Variants in RTCA observed in about 807,000 individuals in gnomAD.
RTCA encodes RNA terminal phosphate cyclase domain 1.
Under a neutral mutation model 46.1 loss-of-function variants are expected in RTCA, and 37 were observed. The observed-to-expected ratio is 0.80, with a 90% CI of 0.62 to 1.06. RTCA has a LOEUF of 1.06. Among genes scored for constraint, RTCA ranks in the 50% least tolerant of loss-of-function variants. The probability of loss-of-function intolerance (pLI) is 0.00; values close to 1 mark genes in which losing one functional copy is unlikely to be tolerated. For synonymous variants in RTCA, 164 were observed against 158.3 expected (o/e 1.04, Z -0.27); for missense variants, 435 against 455.5 (o/e 0.95, Z 0.41).
At position 100,275,628 on chromosome 1, in the gene RTCA, T is replaced by C. The variant is rs767144327; in HGVS notation, c.645T>C (p.Val215=). Reference sequence around the variant, plus strand: ...CAAAAGATATGGCAGCGGCAGCAGTTAGATGCATCAGAAAGGAGATCCGGG... The same window carrying C: ...CAAAAGATATGGCAGCGGCAGCAGTCAGATGCATCAGAAAGGAGATCCGGG... ...KVAKDMAAAA[V]RCIRKEIRDL... is the part of the protein sequence containing the mutation. The change falls in exon 7 of 11, where the codon GTT becomes GTC. Residue 215 remains valine (V), a synonymous_variant. Transcript: ENST00000370128. 6.2e-7 allele frequency: 1 copy of C among 1,611,878 alleles called. No homozygotes were observed. Among genetic ancestry groups the C allele is most frequent in the Non-Finnish European group, 8.5e-7 (1 of 1,178,914 alleles).
chr1:100,266,409 A>G lies in RTCA; in HGVS notation c.34A>G (p.Ile12Val), dbSNP rs1232141725. Residue 12 changes from isoleucine (I) to valine (V), a missense_variant, in exon 1 of 11, where the codon ATC becomes GTC. Ile to Val is a conservative substitution (Grantham distance 29). Coordinates refer to ENST00000370128, the MANE Select transcript of RTCA (RefSeq NM_003729.4). ...GCCGCGGGTGGAGGTCGATGGCAGC[A>G]TCATGGAAGGGGTGAGTACAGAGCG... is the stretch of plus-strand genomic sequence containing the variant. ...AGPRVEVDGS[I>V]MEGGGQILRV... 3.7e-6 allele frequency: 6 copies of G among 1,612,426 alleles called. No homozygotes were observed. The highest frequency in any genetic ancestry group is 5.1e-6 in the Non-Finnish European group (6 of 1,179,390).
At position 100,268,160 on chromosome 1, in the gene RTCA, A is replaced by C. The variant is rs143754484; in HGVS notation, c.155A>C (p.His52Pro). ...GRSTPGLRPQ[H>P]LSGLEMIRDL... ...AGTATTATGACCTGAAGGCCTCAAC[A>C]TTTATCTGGACTGGAAATGATTCGA... Residue 52 changes from histidine to proline, a missense_variant, in exon 3 of 11, where the codon CAT becomes CCT. By Grantham distance (77) the His-to-Pro change is moderately conservative. Coordinates refer to ENST00000370128, the MANE Select transcript of RTCA (RefSeq NM_003729.4). 9 of 1,614,032 alleles carry C rather than the reference A, an allele frequency of 5.6e-6. No individual in the cohort carries two copies. In the African/African-American group the frequency reaches 1.2e-4, roughly 22 times the overall value.
At chr1:100,290,340 A>G (rs1417171485) in intron 10 of RTCA, among the ~76,000 whole-genome samples, 2 of 152,120 alleles carry the variant, frequency 1.3e-5, no homozygotes, top group African/African-American at 4.8e-5. Context: ...TCCTGAACTG[A>G]ACTCAAATGA....
rs1666359238 is a variant in RTCA at position 100,276,088 on chromosome 1, G to C, written c.740+365G>C. ...CTGACCTCATGATCCACCTGCCTTG[G>C]CCTCCCAAAGTGCTGGGATTACAGG... On this transcript the variant is annotated intron_variant, in intron 7 of 10. Transcript: ENST00000370128. Among the ~76,000 whole-genome samples, 4 of 152,086 alleles carry C rather than the reference G, an allele frequency of 2.6e-5. No homozygotes were observed. In the Middle Eastern group the frequency reaches 0.014, roughly 517 times the overall value.
At chr1:100,291,121 C>G (rs974173686) in intron 10 of RTCA, among the ~76,000 whole-genome samples, 1 of 152,178 alleles carries the variant, frequency 6.6e-6, no homozygotes, top group Non-Finnish European at 1.5e-5. Context: ...AGCTGTACAT[C>G]TGAGCTTTCT....
intron 8 of RTCA, among the ~76,000 whole-genome samples, chr1:100,283,448 C>T (rs1344425500): frequency 2.0e-5 from 3 of 152,094 alleles, no homozygotes; most frequent in African/African-American, 7.2e-5. Flanking sequence ...AGGCATGAGC[C>T]ACCATGCCTG....
At position 100,291,470 on chromosome 1, in the gene RTCA, G is replaced by A; in HGVS notation, c.1067G>A (p.Cys356Tyr). 6.2e-7 allele frequency: 1 copy of A among 1,611,828 alleles called. No individual in the cohort carries two copies. The change falls in exon 11 of 11, where the codon TGC becomes TAC. Residue 356 changes from cysteine (C) to tyrosine (Y), a missense_variant. Coordinates refer to ENST00000370128, the MANE Select transcript of RTCA (RefSeq NM_003729.4). The part of the protein sequence containing the change: ...DAAKDTYIIE[C>Y]QGIGMTNPNL Reference sequence around the variant, plus strand: ...GCTAAAGATACTTATATTATTGAATGCCAAGGAATTGGGATGACAAATCCA... The same window carrying A: ...GCTAAAGATACTTATATTATTGAATACCAAGGAATTGGGATGACAAATCCA...
At chr1:100,269,327 A>G (rs986136888) in intron 3 of RTCA, among the ~76,000 whole-genome samples, 1 of 151,208 alleles carries the variant, frequency 6.6e-6, no homozygotes, top group African/African-American at 2.4e-5. Context: ...GGATTACTTC[A>G]CTAAAACTTC....
chr1:100,277,804 G>GT (rs969633812), intron 8 of RTCA, among the ~76,000 whole-genome samples: 2 of 149,758 alleles, frequency 1.3e-5, no homozygotes, highest in South Asian at 4.2e-4. Context: ...TTTTTTTTTG[G>GT]GGGGGGGCAC....
Position 100,292,749 on chromosome 1 carries a change from A to C in RTCA, c.*1245A>C, listed in dbSNP as rs549587881. ...TTTGGCTTGTGTTATTAACAAATAA[A>C]TGAGTGTCTTTCAAATGGAATGTGC... is the stretch of plus-strand genomic sequence containing the variant. On this transcript the variant is annotated 3_prime_UTR_variant, in exon 11 of 11. Transcript: ENST00000370128. 2.0e-5 allele frequency: 3 copies of C among 152,262 alleles called. No homozygotes were observed. In the South Asian group the frequency reaches 6.2e-4, roughly 31 times the overall value. 9.4% of individuals were successfully genotyped at this position (152,262 alleles called of 1,614,324 possible).
chr1:100,289,214 G>C (rs1170012927), intron 10 of RTCA, among the ~76,000 whole-genome samples: 1 of 151,668 alleles, frequency 6.6e-6, no homozygotes, highest in South Asian at 2.1e-4. Context: ...CAGTAGCCCC[G>C]AACTCCTGGG....
At chr1:100,273,769 CACT>C (rs1570878203) in intron 5 of RTCA, among the ~76,000 whole-genome samples, 1 of 152,190 alleles carries the variant, frequency 6.6e-6, no homozygotes, top group African/African-American at 2.4e-5. Context: ...CTGGACTAGA[CACT>C]AAGGGGTCAT....
intron 1 of RTCA, 28 bp from the exon 2 acceptor site, chr1:100,266,491 ACTTCT>A (rs1170098625): frequency 1.2e-6 from 2 of 1,609,412 alleles, no homozygotes; most frequent in African/African-American, 1.3e-5. Flanking sequence ...CGGTGTGCTT[ACTTCT>A]CTTCTCCCTG....
At chr1:100,285,958 C>G (rs1666999826) in intron 9 of RTCA, among the ~76,000 whole-genome samples, 1 of 152,198 alleles carries the variant, frequency 6.6e-6, no homozygotes, top group Non-Finnish European at 1.5e-5. Flanking sequence ...TGATGAGCCC[C>G]TGGACTTTGG....
Position 100,266,603 on chromosome 1 carries a change from G to A in RTCA, c.125G>A (p.Gly42Asp). 3 of 1,613,176 alleles carry A rather than the reference G, an allele frequency of 1.9e-6. No individual in the cohort carries two copies. Among genetic ancestry groups the A allele is most frequent in the Non-Finnish European group, 2.5e-6 (3 of 1,179,458 alleles). ...LPLRVQKIRA[G>D]RSTPGLRPQH... ...TTGCGGGTGCAGAAGATCCGAGCCG[G>A]CCGGAGCACGCCAGGCCTGAGGTAA... Residue 42 changes from glycine to aspartate, a missense_variant, in exon 2 of 11, where the codon GGC becomes GAC. Gly to Asp is a moderately conservative substitution (Grantham distance 94, BLOSUM62 -1). Coordinates refer to ENST00000370128, the MANE Select transcript of RTCA (RefSeq NM_003729.4).
intron 7 of RTCA, 93 bp from the exon 8 acceptor site, chr1:100,277,165 T>C (rs978089312): frequency 8.5e-7 from 1 of 1,181,294 alleles, no homozygotes; most frequent in Non-Finnish European, 1.3e-6. Context: ...GATTTAGTTC[T>C]GCCTATTTAA....
intron 2 of RTCA, chr1:100,267,514 A>C (rs1251403223): frequency 6.5e-7 from 1 of 1,545,740 alleles, no homozygotes; most frequent in Admixed American, 2.0e-5. Flanking sequence ...GGAGGCTGGA[A>C]GTCCAAGATC....
At chr1:100,277,458 T>C in intron 8 of RTCA, 142 bp downstream of exon 8, 1 of 774,188 alleles carries the variant, frequency 1.3e-6, no homozygotes, top group Non-Finnish European at 2.0e-6. Context: ...AATTACACTT[T>C]CAGACTTTCA....
chr1:100,275,466 T>G, intron 6 of RTCA, 133 bp from the exon 7 acceptor site: 1 of 590,246 alleles, frequency 1.7e-6, no homozygotes, highest in Non-Finnish European at 2.8e-6. Flanking sequence ...AATTCAGTGC[T>G]CTCTTGAAAA....
Sources: gnomAD v4.1 joint callset for allele counts (sites outside exome capture counted in the v4.1 genomes callset) on GRCh38, gnomAD v4.1.1 for gene constraint, MANE v1.5 for transcripts, NCBI Gene and HGNC (gene_info 2026-07-23, HGNC 2026-07-21) for gene names.